Variants in FSTL1 observed in about 807,000 individuals in gnomAD.
FSTL1 encodes the protein follistatin-related protein 1.
FSTL1 carries 24 observed loss-of-function variants against 45.9 expected under a neutral mutation model. The observed-to-expected ratio is 0.52, with a 90% confidence interval of 0.38 to 0.74. The LOEUF is 0.74. Ranked by LOEUF, FSTL1 falls within the 30% of genes least tolerant of loss-of-function variation. The pLI, the probability that FSTL1 is intolerant of heterozygous loss-of-function variation, is 0.00. For missense variants in FSTL1, 340 were observed against 381.8 expected, an observed-to-expected ratio of 0.89 and a Z score of 0.91; for synonymous variants, 120 against 137.6, an observed-to-expected ratio of 0.87 and a Z score of 0.89.
intron 7 of FSTL1, 30 bp downstream of exon 7, chr3:120,404,823 A>G (rs1437149410): frequency 9.3e-6 from 10 of 1,080,540 alleles, no homozygotes; most frequent in Non-Finnish European, 1.3e-5. Flanking sequence ...TCCCTTGTGG[A>G]TCATTCTCTG....
intron 2 of FSTL1, among the ~76,000 whole-genome samples, chr3:120,421,019 G>A (rs1161278006): frequency 1.3e-5 from 2 of 152,232 alleles, no homozygotes; most frequent in Non-Finnish European, 2.9e-5. Context: ...AAAACTACCA[G>A]TAGAGGTGAT....
intron 2 of FSTL1, among the ~76,000 whole-genome samples, chr3:120,435,370 C>A (rs1035915276): frequency 6.6e-6 from 1 of 152,178 alleles, no homozygotes; most frequent in African/African-American, 2.4e-5. Flanking sequence ...CTAAAATTAA[C>A]AGAGTTTCCC....
chr3:120,400,069 G>A, intron 9 of FSTL1, 110 bp from the exon 10 acceptor site: 2 of 756,924 alleles, frequency 2.6e-6, no homozygotes, highest in Admixed American at 4.2e-5. Flanking sequence ...ACTTGTGGAA[G>A]GAGAGGTGAA....
intron 2 of FSTL1, among the ~76,000 whole-genome samples, chr3:120,435,076 G>A (rs530728723): frequency 1.3e-5 from 2 of 151,958 alleles, no homozygotes; most frequent in African/African-American, 4.8e-5. Flanking sequence ...AAAATTAGCC[G>A]GGCGTGGTTG....
intron 7 of FSTL1, 53 bp from the exon 8 acceptor site, chr3:120,403,407 A>T: frequency 9.0e-7 from 1 of 1,111,402 alleles, no homozygotes; most frequent in Non-Finnish European, 1.4e-6. Flanking sequence ...TTCGCTCAGA[A>T]GAAAGGAAGT....
intron 3 of FSTL1, among the ~76,000 whole-genome samples, chr3:120,414,070 C>T (rs1326656425): frequency 1.3e-5 from 2 of 151,848 alleles, no homozygotes; most frequent in African/African-American, 4.8e-5. Flanking sequence ...GACGGAGTCT[C>T]GTTCACTCAG....
chr3:120,403,920 C>CAAAAAAAAAAAAAAA (rs34145564), intron 7 of FSTL1, among the ~76,000 whole-genome samples: 16 of 52,130 alleles, frequency 3.1e-4, no homozygotes, highest in South Asian at 9.4e-4. Context: ...GACTCCGTCT[C>CAAAAAAAAAAAAAAA]AAAAAAAAAA....
At position 120,402,874 on chromosome 3, in the gene FSTL1, C is replaced by G. The variant is rs754750214; in HGVS notation, c.739G>C (p.Glu247Gln). 1 of 1,613,648 alleles carries G rather than the reference C, an allele frequency of 6.2e-7. No homozygotes were observed. The highest frequency in any genetic ancestry group is 2.2e-5 in the East Asian group (1 of 44,868). ...CAGACACAGCGGTTACAGTCCACCTCGGTCTCAGCTCCATCTGCATACGTT... is the reference window on the plus strand; with the variant it reads ...CAGACACAGCGGTTACAGTCCACCTGGGTCTCAGCTCCATCTGCATACGTT... ...DETYADGAET[E>Q]VDCNRCVCAC... The change falls in exon 9 of 11, where the codon GAG becomes CAG. Residue 247 changes from glutamate (E) to glutamine (Q), a missense_variant. Transcript: ENST00000295633.
chr3:120,403,078 G>A (rs920105884), intron 8 of FSTL1, among the ~76,000 whole-genome samples, 160 bp from the exon 9 acceptor site: 4 of 152,104 alleles, frequency 2.6e-5, no homozygotes, highest in Non-Finnish European at 5.9e-5. Context: ...TAAAGAATGT[G>A]GGGCCCTAAC....
At chr3:120,406,979 G>A (rs940907414) in intron 6 of FSTL1, among the ~76,000 whole-genome samples, 2 of 152,144 alleles carry the variant, frequency 1.3e-5, no homozygotes, top group African/African-American at 2.4e-5. Context: ...TAGCCTGAAG[G>A]TAATTTTATA....
chr3:120,432,458 CCCT>C (rs763313091), intron 2 of FSTL1, among the ~76,000 whole-genome samples: 1 of 152,054 alleles, frequency 6.6e-6, no homozygotes, highest in Non-Finnish European at 1.5e-5. Flanking sequence ...ACAAATTCCC[CCCT>C]ATTTTTTCAG....
intron 2 of FSTL1, among the ~76,000 whole-genome samples, chr3:120,445,904 G>GCCATTCATGGCAT (rs1559746176): frequency 6.7e-6 from 1 of 149,902 alleles, no homozygotes; most frequent in African/African-American, 2.5e-5. Flanking sequence ...GGAAGGCCAC[G>GCCATTCATGGCAT]CCATTCATGG....
In FSTL1 at chr3:120,395,135, C is replaced by T. The variant is rs1318998088; in HGVS notation, c.*1817G>A. On this transcript the variant is annotated 3_prime_UTR_variant, in exon 11 of 11. Transcript: ENST00000295633. ...GAAATGCTAAACAAAGTGGAATTTT[C>T]TCCTTTCAAATGAGAACAAGAAAAA... 1 of 153,878 alleles carries T rather than the reference C, an allele frequency of 6.5e-6. No individual in the cohort carries two copies. The highest frequency in any genetic ancestry group is 1.4e-5 in the Non-Finnish European group (1 of 69,402). 9.5% of individuals were successfully genotyped at this position (153,878 alleles called of 1,614,324 possible).
chr3:120,414,679 C>T (rs1937155265), intron 3 of FSTL1, among the ~76,000 whole-genome samples: 1 of 151,822 alleles, frequency 6.6e-6, no homozygotes, highest in South Asian at 2.1e-4. Context: ...TCCTGTTGAT[C>T]TGTGACCTTA....
At position 120,392,587 on chromosome 3, in the gene FSTL1, A is replaced by G. The variant is rs764104459; in HGVS notation, c.*4365T>C. 6.6e-6 allele frequency: 1 copy of G among 152,226 alleles called. No homozygotes were observed. The highest frequency in any genetic ancestry group is 1.5e-5 in the Non-Finnish European group (1 of 68,044). 9.4% of individuals were successfully genotyped at this position (152,226 alleles called of 1,614,324 possible). A position where few individuals can be genotyped will look rare whatever the true frequency, so the allele number is the denominator to read the frequency against. ...TACAATTTGGATTTTTACCATGTAC[A>G]CATATTATTTTTTCAGTAAAAAAGT... On this transcript the variant is annotated 3_prime_UTR_variant, in exon 11 of 11. Transcript: ENST00000295633.
At chr3:120,410,576 T>C in intron 5 of FSTL1, 1 of 359,022 alleles carries the variant, frequency 2.8e-6, no homozygotes, top group African/African-American at 2.1e-5. Flanking sequence ...ACAGAAGTCT[T>C]ACTGGCATTT....
intron 10 of FSTL1, among the ~76,000 whole-genome samples, chr3:120,399,149 C>T (rs751000669): frequency 6.6e-6 from 1 of 152,146 alleles, no homozygotes; most frequent in African/African-American, 2.4e-5. Context: ...TACATTCGGT[C>T]TACGGACAGG....
rs1576211981 is a variant in FSTL1, at chr3:120,409,825, T to A, written c.332-163A>T. 3.5e-5 allele frequency: 17 copies of A among 488,452 alleles called. No individual in the cohort carries two copies. The East Asian group carries it at 5.5e-4, about 16-fold the overall frequency. The allele number at this position is 488,452 out of a possible 1,614,324, so 30.3% of individuals were successfully genotyped here. A position where few individuals can be genotyped will look rare whatever the true frequency, so the allele number is the denominator to read the frequency against. ...ATCCAGGGTACACAACTGGAAAAAG[T>A]CTAGCCCAGGATTCAAGCACCCATC... On this transcript the variant is annotated intron_variant, in intron 5 of 10. Coordinates refer to ENST00000295633, the MANE Select transcript of FSTL1 (RefSeq NM_007085.5).
In FSTL1 at chr3:120,409,535, A is replaced by G. The variant is rs1306149789; in HGVS notation, c.459T>C (p.Phe153=). Residue 153 remains phenylalanine, a synonymous_variant, in exon 6 of 11, where the codon TTT becomes TTC. Coordinates refer to ENST00000295633, the MANE Select transcript of FSTL1 (RefSeq NM_007085.5). ...SNYSEILDKY[F]KNFDNGDSRL... ...CTTCCTCCTACCTCTGGATTACCTT[A>G]AAATACTTGTCTAGGATTTCACTGT... The G allele has an allele frequency of 6.2e-7, 1 of 1,613,832 alleles. No homozygotes were observed. The highest frequency in any genetic ancestry group is 1.7e-5 in the Admixed American group (1 of 60,022).
Sources: allele counts gnomAD v4.1 joint callset (sites outside exome capture counted in the v4.1 genomes callset), GRCh38; gene constraint gnomAD v4.1.1; transcripts MANE v1.5; gene names NCBI Gene and HGNC (gene_info 2026-07-23, HGNC 2026-07-21).